The following CARHSP1 variants were observed in gnomAD, a reference collection of about 807,000 sequenced individuals.
CARHSP1 encodes the protein calcium-regulated heat-stable protein 1.
CARHSP1 carries 14 observed loss-of-function variants against 12.5 expected under a neutral mutation model. The observed-to-expected ratio is 1.12, with a 90% CI of 0.74 to 1.75. CARHSP1 has a LOEUF of 1.75. Ranked by LOEUF, CARHSP1 falls within the 40% of genes most tolerant of loss-of-function variation. CARHSP1 has a pLI of 0.00. For missense variants in CARHSP1, 343 were observed against 201.6 expected (o/e 1.70, Z -4.25); for synonymous variants, 161 against 82.0 (o/e 1.96, Z -5.20).
At chr16:8,864,203 T>C (rs1002550986) in intron 1 of CARHSP1, among the ~76,000 whole-genome samples, 1 of 152,228 alleles carries the variant, frequency 6.6e-6, no homozygotes, top group South Asian at 2.1e-4. Flanking sequence ...TACACATACA[T>C]ATGTGCCCAC....
intron 3 of CARHSP1, among the ~76,000 whole-genome samples, chr16:8,855,714 G>A (rs1240134478): frequency 6.6e-6 from 1 of 152,228 alleles, no homozygotes; most frequent in Non-Finnish European, 1.5e-5. Flanking sequence ...GAGAATCCGA[G>A]TTGAGGGGTG....
At position 8,853,421 on chromosome 16, in the gene CARHSP1, A is replaced by ACAACG. The variant is rs2061000211; in HGVS notation, c.*1742_*1743insCGTTG. On this transcript the variant is annotated 3_prime_UTR_variant, in exon 4 of 4. Coordinates refer to ENST00000311052, the MANE Select transcript of CARHSP1 (RefSeq NM_014316.4). ...TACAAGGAGCATCGCAGGCGAGGAA[A>ACAACG]CAATGGCCAGGACCTAACTGTGGTG... 1.2e-5 allele frequency: 1 copy of ACAACG among 86,700 alleles called. No homozygotes were observed. The highest frequency in any genetic ancestry group is 5.1e-5 in the African/African-American group (1 of 19,692). 5.4% of individuals were successfully genotyped at this position (86,700 alleles called of 1,614,324 possible).
chr16:8,858,737 A>C (rs1271216810), intron 2 of CARHSP1: 1 of 496,958 alleles, frequency 2.0e-6, no homozygotes, highest in African/African-American at 1.9e-5. Flanking sequence ...AACATCACTG[A>C]ACATCCCTCC....
intron 1 of CARHSP1, chr16:8,860,450 C>T (rs1274561712): frequency 2.0e-6 from 2 of 985,400 alleles, no homozygotes; most frequent in Non-Finnish European, 2.4e-6. Context: ...AATCACTGAA[C>T]ATTGAATATG....
intron 1 of CARHSP1, chr16:8,866,358 G>A (rs752986989): frequency 4.9e-5 from 40 of 824,704 alleles, no homozygotes; most frequent in Admixed American, 6.2e-5. Flanking sequence ...GCTTAACAGT[G>A]CAGGAGGTGG....
intron 1 of CARHSP1, chr16:8,861,665 C>T (rs1330303971): frequency 2.3e-6 from 3 of 1,289,126 alleles, no homozygotes; most frequent in Admixed American, 2.3e-5. Context: ...TGGCATCCTA[C>T]CTCCTGTCCC....
intron 1 of CARHSP1, among the ~76,000 whole-genome samples, chr16:8,863,935 C>T (rs1286941017): frequency 3.9e-5 from 6 of 152,204 alleles, no homozygotes; most frequent in Non-Finnish European, 8.8e-5. Flanking sequence ...CAATACCAGG[C>T]ATGGCCTTGG....
intron 1 of CARHSP1, among the ~76,000 whole-genome samples, chr16:8,865,541 G>A (rs1204335226): frequency 6.6e-6 from 1 of 152,244 alleles, no homozygotes; most frequent in Non-Finnish European, 1.5e-5. Context: ...TCTGCAAAAT[G>A]AGGGTGTCTT....
intron 1 of CARHSP1, among the ~76,000 whole-genome samples, chr16:8,861,151 A>G (rs1018976444): frequency 1.5e-5 from 2 of 134,278 alleles, no homozygotes; most frequent in Non-Finnish European, 3.1e-5. Flanking sequence ...CTTGACCTCC[A>G]TGCCTAATTT....
intron 1 of CARHSP1, among the ~76,000 whole-genome samples, chr16:8,862,256 C>T (rs761964648): frequency 6.6e-6 from 1 of 152,010 alleles, no homozygotes; most frequent in Non-Finnish European, 1.5e-5. Flanking sequence ...TCAGTTTCCA[C>T]ATCTGGAAAA....
At chr16:8,862,798 GA>G (rs1276091305) in intron 1 of CARHSP1, among the ~76,000 whole-genome samples, 1 of 152,124 alleles carries the variant, frequency 6.6e-6, no homozygotes, top group Non-Finnish European at 1.5e-5. Flanking sequence ...GCCCGCTCAG[GA>G]ATCATGCCGC....
chr16:8,853,498 C>G lies in CARHSP1; in HGVS notation c.*1666G>C, dbSNP rs972363133. On this transcript the variant is annotated 3_prime_UTR_variant, in exon 4 of 4. Transcript: ENST00000311052. ...GCAATCAACATGCGTATTTGCTATT[C>G]TCAAACAACTCCCTTCCACCCCCTT... 1.3e-5 allele frequency: 2 copies of G among 152,146 alleles called. No individual in the cohort carries two copies. The highest frequency in any genetic ancestry group is 4.8e-5 in the African/African-American group (2 of 41,428). 9.4% of individuals were successfully genotyped at this position (152,146 alleles called of 1,614,324 possible).
At position 8,854,166 on chromosome 16, in the gene CARHSP1, A is replaced by G. The variant is rs947309768; in HGVS notation, c.*998T>C. On this transcript the variant is annotated 3_prime_UTR_variant, in exon 4 of 4. Coordinates refer to ENST00000311052, the MANE Select transcript of CARHSP1 (RefSeq NM_014316.4). ...GGTGAAAGCTTTAGTTATGAAAAAT[A>G]AGAAAAAAAAAATCCCTAAGCATTT... is the stretch of plus-strand genomic sequence containing the variant. 3 of 151,312 alleles carry G rather than the reference A, an allele frequency of 2.0e-5. No homozygotes were observed. Among genetic ancestry groups the G allele is most frequent in the African/African-American group, 7.3e-5 (3 of 41,356 alleles). The allele number at this position is 151,312 out of a possible 1,614,324, so 9.4% of individuals were successfully genotyped here. A position where few individuals can be genotyped will look rare whatever the true frequency, so the allele number is the denominator to read the frequency against.
chr16:8,860,209 G>T (rs545361698), intron 1 of CARHSP1: 6 of 983,348 alleles, frequency 6.1e-6, no homozygotes, highest in Non-Finnish European at 6.0e-6. Flanking sequence ...ACCCAGGACT[G>T]GGGGGCCTGC....
intron 1 of CARHSP1, among the ~76,000 whole-genome samples, chr16:8,859,572 C>T (rs1170804175): frequency 4.6e-5 from 7 of 152,006 alleles, no homozygotes; most frequent in African/African-American, 1.4e-4. Flanking sequence ...ACATCCTCCC[C>T]CATGACCAGG....
chr16:8,858,191 C>G (rs924108539), intron 3 of CARHSP1, 159 bp downstream of exon 3: 1 of 851,148 alleles, frequency 1.2e-6, no homozygotes, highest in East Asian at 2.7e-5. Context: ...AACACACACA[C>G]AGGAGCACAG....
intron 1 of CARHSP1, chr16:8,866,499 G>A (rs2061457301): frequency 1.0e-6 from 1 of 985,032 alleles, no homozygotes; most frequent in Non-Finnish European, 1.2e-6. Context: ...GCGCAGCTGA[G>A]CCCCAGCCTG....
rs756390920 is a variant in CARHSP1, at chr16:8,857,263, GTTTTTTTTTTTTTTTTTTT to G, written c.281+1068_281+1086del. Among the ~76,000 whole-genome samples the G allele has an allele frequency of 6.7e-4, 38 of 57,036 alleles. 1 individual carries two copies. The highest frequency in any genetic ancestry group is 1.8e-3 in the East Asian group (2 of 1,120). 37.4% of individuals were successfully genotyped at this position (57,036 alleles called of 152,430 possible). On this transcript the variant is annotated intron_variant, in intron 3 of 3. Transcript: ENST00000311052. Reference sequence around the variant, plus strand: ...TGGCTATGTGATCTTGGGCAGATCTGTTTTTTTTTTTTTTTTTTTTTTTTTTTTTTTTTTTTGAGATGGA... The same window carrying G: ...TGGCTATGTGATCTTGGGCAGATCTGTTTTTTTTTTTTTTTTTGAGATGGA...
At position 8,855,266 on chromosome 16, in the gene CARHSP1, G is replaced by T. The variant is rs1448383659; in HGVS notation, c.342C>A (p.Ile114=). 13 of 1,613,134 alleles carry T rather than the reference G, an allele frequency of 8.1e-6. No individual in the cohort carries two copies. The highest frequency in any genetic ancestry group is 1.0e-5 in the Non-Finnish European group (12 of 1,179,438). The change falls in exon 4 of 4, where the codon ATC becomes ATA. Residue 114 remains isoleucine, a synonymous_variant. Coordinates refer to ENST00000311052, the MANE Select transcript of CARHSP1 (RefSeq NM_014316.4). ...CCTGCAGCTTCTCATTCTTGGGTGG[G>T]ATGGAGCACATTTTATAGGTGACCT... ...GDEVTYKMCS[I]PPKNEKLQAV... is the part of the protein sequence containing the mutation.
Sources: allele counts gnomAD v4.1 joint callset (sites outside exome capture counted in the v4.1 genomes callset), GRCh38; gene constraint gnomAD v4.1.1; transcripts MANE v1.5; gene names NCBI Gene and HGNC (gene_info 2026-07-23, HGNC 2026-07-21).